TRARG1: variants seen among roughly 807,000 people sequenced by gnomAD.
TRARG1 encodes trafficking regulator of GLUT4 (SLC2A4) 1 (gene/pseudogene).
In TRARG1, 16 loss-of-function variants were observed where a neutral mutation model predicts 13.3. The ratio of observed to expected loss-of-function variants is 1.20; its 90% CI spans 0.81 to 1.83. The LOEUF is 1.83. TRARG1 is among the 40% of genes most tolerant of loss of function. TRARG1 has a pLI of 0.00. For missense variants in TRARG1, 250 were observed against 237.4 expected (o/e 1.05, Z -0.35); for synonymous variants, 113 against 106.2 (o/e 1.06, Z -0.39).
chr17:1,292,589 AT>A (rs1778356761), intron 1 of TRARG1, among the ~76,000 whole-genome samples: 2 of 152,298 alleles, frequency 1.3e-5, no homozygotes, highest in East Asian at 3.9e-4. Context: ...TTTTTTGAAC[AT>A]CTACACATTT....
intron 1 of TRARG1, among the ~76,000 whole-genome samples, chr17:1,293,731 G>A (rs971079249): frequency 6.6e-6 from 1 of 152,118 alleles, no homozygotes; most frequent in African/African-American, 2.4e-5. Context: ...TGAATTTGAT[G>A]ATGTCACGCT....
Position 1,279,778 on chromosome 17 carries a change from T to C in TRARG1, c.-224T>C, listed in dbSNP as rs2071957589. ...AAAGCTGCAGGCTCCAGCGTCTTTCTGGGAGCTCCGCGGGGGCAGCAGGCA... is the reference window on the plus strand; with the variant it reads ...AAAGCTGCAGGCTCCAGCGTCTTTCCGGGAGCTCCGCGGGGGCAGCAGGCA... On this transcript the variant is annotated 5_prime_UTR_variant, in exon 1 of 3. Coordinates refer to ENST00000333813, the MANE Select transcript of TRARG1 (RefSeq NM_172367.3). The C allele has an allele frequency of 7.9e-6, 4 of 506,676 alleles. No individual in the cohort carries two copies. The highest frequency in any genetic ancestry group is 7.7e-5 in the South Asian group (2 of 25,968). 31.4% of individuals were successfully genotyped at this position (506,676 alleles called of 1,614,324 possible). A position where few individuals can be genotyped will look rare whatever the true frequency, so the allele number is the denominator to read the frequency against.
Position 1,295,590 on chromosome 17 carries a change from A to C in TRARG1, c.487A>C (p.Ile163Leu), listed in dbSNP as rs201414985. 2 of 1,613,052 alleles carry C rather than the reference A, an allele frequency of 1.2e-6. No homozygotes were observed. The highest frequency in any genetic ancestry group is 2.2e-5 in the East Asian group (1 of 44,820). Reference sequence around the variant, plus strand: ...TACCCTCATCATCATGGGCATCGTCATTATCATGGTGGCCGTGACCGTCAA... The same window carrying C: ...TACCCTCATCATCATGGGCATCGTCCTTATCATGGTGGCCGTGACCGTCAA... ...SITLIIMGIV[I>L]IMVAVTVNFT... The change falls in exon 2 of 3, where the codon ATT becomes CTT. Residue 163 changes from isoleucine to leucine, a missense_variant. Transcript: ENST00000333813.
At chr17:1,286,083 G>C (rs549410365) in intron 1 of TRARG1, among the ~76,000 whole-genome samples, 1 of 152,302 alleles carries the variant, frequency 6.6e-6, no homozygotes, top group South Asian at 2.1e-4. Flanking sequence ...GGAGAGATGC[G>C]ATCCAGAGCC....
rs1007367767 is a variant in TRARG1 at position 1,279,791 on chromosome 17, G to A, written c.-211G>A. On this transcript the variant is annotated 5_prime_UTR_variant, in exon 1 of 3. Coordinates refer to ENST00000333813, the MANE Select transcript of TRARG1 (RefSeq NM_172367.3). ...CCAGCGTCTTTCTGGGAGCTCCGCG[G>A]GGGCAGCAGGCAGGCCCCAGCCTCT... The A allele has an allele frequency of 7.6e-6, 4 of 523,094 alleles. No homozygotes were observed. The African/African-American group carries it at 7.7e-5, about 10-fold the overall frequency. 32.4% of individuals were successfully genotyped at this position (523,094 alleles called of 1,614,324 possible). A position where few individuals can be genotyped will look rare whatever the true frequency, so the allele number is the denominator to read the frequency against.
At chr17:1,282,195 T>C (rs1178765433) in intron 1 of TRARG1, among the ~76,000 whole-genome samples, 2 of 147,662 alleles carry the variant, frequency 1.4e-5, no homozygotes, top group Non-Finnish European at 3.0e-5. Context: ...TATGTACGTG[T>C]ACACGTGCGT....
At position 1,282,216 on chromosome 17, in the gene TRARG1, ATACACGTGCG is replaced by A. The variant is rs1567928142; in HGVS notation, c.387+1831_387+1840del. Reference sequence around the variant, plus strand: ...CGTGTACACGTGCGTATATGTACGTATACACGTGCGTATATGTACGTATATGCACGTATAT... The same window carrying A: ...CGTGTACACGTGCGTATATGTACGTATATATGTACGTATATGCACGTATAT... On this transcript the variant is annotated intron_variant, in intron 1 of 2. Transcript: ENST00000333813. 1.4e-3 allele frequency among the ~76,000 whole-genome samples: 174 copies of A among 123,356 alleles called. 4 individuals are homozygous for A. Among genetic ancestry groups the A allele is most frequent in the Non-Finnish European group, 1.5e-3 (88 of 57,432 alleles). The allele number at this position is 123,356 out of a possible 152,430, so 80.9% of individuals were successfully genotyped here.
In TRARG1 at chr17:1,280,253, G is replaced by A; in HGVS notation, c.252G>A (p.Arg84=). The part of the protein sequence containing the change: ...LPRSPSRASS[R]RASSIATTSY... ...GGTCCCCCTCCCGGGCCAGCTCAAG[G>A]AGGGCGTCCTCCATCGCCACCACCT... The change falls in exon 1 of 3, where the codon AGG becomes AGA. Residue 84 remains arginine (R), a synonymous_variant. Coordinates refer to ENST00000333813, the MANE Select transcript of TRARG1 (RefSeq NM_172367.3). 6.2e-7 allele frequency: 1 copy of A among 1,614,070 alleles called. No homozygotes were observed. The highest frequency in any genetic ancestry group is 8.5e-7 in the Non-Finnish European group (1 of 1,180,006).
At chr17:1,289,707 C>A (rs914711837) in intron 1 of TRARG1, among the ~76,000 whole-genome samples, 1 of 151,754 alleles carries the variant, frequency 6.6e-6, no homozygotes, top group Non-Finnish European at 1.5e-5. Context: ...TGTCTGTGGA[C>A]CTTTCCTCTT....
intron 1 of TRARG1, among the ~76,000 whole-genome samples, chr17:1,284,293 G>A (rs2072005268): frequency 6.6e-6 from 1 of 152,222 alleles, no homozygotes; most frequent in South Asian, 2.1e-4. Flanking sequence ...TATGAGGCCT[G>A]TGTTCCTGGC....
chr17:1,280,364 C>T lies in TRARG1; in HGVS notation c.363C>T (p.Leu121=). 1.2e-6 allele frequency: 2 copies of T among 1,604,540 alleles called. No individual in the cohort carries two copies. Among genetic ancestry groups the T allele is most frequent in the Admixed American group, 1.7e-5 (1 of 59,064 alleles). The change falls in exon 1 of 3, where the codon CTC becomes CTT. Residue 121 remains leucine (L), a synonymous_variant. Transcript: ENST00000333813. ...ACFCPVWPLN[L]IPLIISIMSR... is the part of the protein sequence containing the mutation. ...TCTGCCCCGTCTGGCCCCTCAACCTCATCCCCCTCATCATTTCCATCATGG... is the reference window on the plus strand; with the variant it reads ...TCTGCCCCGTCTGGCCCCTCAACCTTATCCCCCTCATCATTTCCATCATGG...
intron 1 of TRARG1, among the ~76,000 whole-genome samples, chr17:1,283,817 T>TA (rs56208802): frequency 2.1e-4 from 28 of 130,690 alleles, no homozygotes; most frequent in Non-Finnish European, 4.0e-4. Context: ...TCAAAAAAAA[T>TA]AAAATAAAAT....
At chr17:1,280,842 T>G (rs2071967934) in intron 1 of TRARG1, among the ~76,000 whole-genome samples, 1 of 152,198 alleles carries the variant, frequency 6.6e-6, no homozygotes. Flanking sequence ...GCTCCCAGCC[T>G]CTGCCGGCTC....
chr17:1,282,225 C>G (rs867456896), intron 1 of TRARG1, among the ~76,000 whole-genome samples: 2 of 84,886 alleles, frequency 2.4e-5, no homozygotes, highest in Admixed American at 2.3e-4. Flanking sequence ...TATACACGTG[C>G]GTATATGTAC....
intron 1 of TRARG1, among the ~76,000 whole-genome samples, chr17:1,281,066 G>C (rs2071969496): frequency 1.3e-5 from 2 of 152,242 alleles, no homozygotes; most frequent in Admixed American, 6.5e-5. Flanking sequence ...AAATGTGAGA[G>C]TCAGAGGGCA....
Position 1,300,852 on chromosome 17 carries a change from A to C in TRARG1, c.*2588A>C, listed in dbSNP as rs1393708489. The C allele has an allele frequency of 6.6e-6, 1 of 152,314 alleles. No homozygotes were observed. The highest frequency in any genetic ancestry group is 2.4e-5 in the African/African-American group (1 of 41,472). 9.4% of individuals were successfully genotyped at this position (152,314 alleles called of 1,614,324 possible). A position where few individuals can be genotyped will look rare whatever the true frequency, so the allele number is the denominator to read the frequency against. ...CTGCATGAACACAGTGGCCCGGCTT[A>C]ACGCACTAACCCAGCCTCTCCCTGT... On this transcript the variant is annotated 3_prime_UTR_variant, in exon 3 of 3. Coordinates refer to ENST00000333813, the MANE Select transcript of TRARG1 (RefSeq NM_172367.3).
At chr17:1,292,379 C>T (rs917945490) in intron 1 of TRARG1, among the ~76,000 whole-genome samples, 3 of 152,084 alleles carry the variant, frequency 2.0e-5, no homozygotes, top group African/African-American at 4.8e-5. Context: ...TTTGGAAATC[C>T]GTATCCAGTC....
At position 1,280,022 on chromosome 17, in the gene TRARG1, C is replaced by T. The variant is rs750630202; in HGVS notation, c.21C>T (p.Ser7=). ...CCCCCATGGCCCACCCGGTGCAGTC[C>T]GAGTTTCCTTCAGCACAGGAGCCAG... MAHPVQ[S]EFPSAQEPGS... Residue 7 remains serine (S), a synonymous_variant, in exon 1 of 3, where the codon TCC becomes TCT. Transcript: ENST00000333813. 1.1e-5 allele frequency: 17 copies of T among 1,612,436 alleles called. No homozygotes were observed. Among genetic ancestry groups the T allele is most frequent in the South Asian group, 3.3e-5 (3 of 90,956 alleles).
intron 1 of TRARG1, among the ~76,000 whole-genome samples, chr17:1,286,243 A>G (rs1260543813): frequency 6.6e-6 from 1 of 152,210 alleles, no homozygotes; most frequent in Non-Finnish European, 1.5e-5. Flanking sequence ...GCTAAGAACT[A>G]GGGGCCTGGT....
Sources: gnomAD v4.1 joint callset for allele counts (sites outside exome capture counted in the v4.1 genomes callset) on GRCh38, gnomAD v4.1.1 for gene constraint, MANE v1.5 for transcripts, NCBI Gene and HGNC (gene_info 2026-07-23, HGNC 2026-07-21) for gene names.